The following SHC4 variants were observed in gnomAD, a reference collection of about 807,000 sequenced individuals.
The protein encoded by SHC4 is SHC adaptor protein 4.
Under a neutral mutation model 69.4 loss-of-function variants are expected in SHC4, and 41 were observed. The observed-to-expected ratio is 0.59, with a 90% confidence interval of 0.46 to 0.77. The LOEUF (loss-of-function observed/expected upper bound fraction) is 0.77, where lower values mean the gene tolerates loss of function less well. SHC4 is among the 30% of genes least tolerant of loss of function. SHC4 has a pLI of 0.00. For synonymous variants in SHC4, 318 were observed against 299.3 expected, an observed-to-expected ratio of 1.06 and a Z score of -0.64; for missense variants, 777 against 783.8, an observed-to-expected ratio of 0.99 and a Z score of 0.10.
chr15:48,955,760 A>G (rs1404427531), intron 1 of SHC4, among the ~76,000 whole-genome samples: 1 of 152,226 alleles, frequency 6.6e-6, no homozygotes, highest in Non-Finnish European at 1.5e-5. Flanking sequence ...CAGCATTTTA[A>G]TCATGTAGAG....
chr15:48,938,634 A>G (rs1901117907), intron 1 of SHC4, among the ~76,000 whole-genome samples: 2 of 152,174 alleles, frequency 1.3e-5, no homozygotes, highest in Admixed American at 1.3e-4. Context: ...TTCTCTTGCA[A>G]TTGGGGAGGC....
rs754901951 is a variant in SHC4 at position 48,856,100 on chromosome 15, A to T, written c.1095T>A (p.His365Gln). ...ATTCATGATCTTCTCTCTCCTCGGCATGGCTATCAATATGCACCTCCTCAC... is the reference window on the plus strand; with the variant it reads ...ATTCATGATCTTCTCTCTCCTCGGCTTGGCTATCAATATGCACCTCCTCAC... ...CESEEVHIDS[H>Q]AEEREDHEYY... Residue 365 changes from histidine (H) to glutamine (Q), a missense_variant, in exon 8 of 12, where the codon CAT (histidine) becomes CAA (glutamine). His to Gln is a conservative substitution (Grantham distance 24, BLOSUM62 0). Coordinates refer to ENST00000332408, the MANE Select transcript of SHC4 (RefSeq NM_203349.4). 3 of 1,613,480 alleles carry T rather than the reference A, an allele frequency of 1.9e-6. No homozygotes were observed. In the South Asian group the frequency reaches 3.3e-5, roughly 18 times the overall value.
In SHC4 at chr15:48,825,702, A is replaced by G. The variant is rs997793569; in HGVS notation, c.*269T>C. 6.4e-6 allele frequency: 2 copies of G among 313,948 alleles called. No individual in the cohort carries two copies. Among genetic ancestry groups the G allele is most frequent in the South Asian group, 1.5e-4 (2 of 13,630 alleles). The allele number at this position is 313,948 out of a possible 1,614,324, so 19.4% of individuals were successfully genotyped here. A position where few individuals can be genotyped will look rare whatever the true frequency, so the allele number is the denominator to read the frequency against. On this transcript the variant is annotated 3_prime_UTR_variant, in exon 12 of 12. Transcript: ENST00000332408. ...TAGTTGTGCTTTTAGCTTGTTATCA[A>G]TGCAATATGGCCTTAAAAAGTGACA...
intron 1 of SHC4, among the ~76,000 whole-genome samples, chr15:48,955,403 C>T (rs547072782): frequency 1.3e-5 from 2 of 152,226 alleles, no homozygotes; most frequent in East Asian, 3.9e-4. Context: ...TATTGGGGTC[C>T]AGGCTTGGTT....
chr15:48,910,802 A>G (rs980262870), intron 2 of SHC4, among the ~76,000 whole-genome samples: 1 of 152,152 alleles, frequency 6.6e-6, no homozygotes, highest in African/African-American at 2.4e-5. Flanking sequence ...TTAAATTTCC[A>G]TCTTGATTTC....
intron 1 of SHC4, among the ~76,000 whole-genome samples, chr15:48,954,815 A>C (rs1423447625): frequency 6.6e-6 from 1 of 152,152 alleles, no homozygotes; most frequent in Non-Finnish European, 1.5e-5. Context: ...TCTTCCCTCC[A>C]CTTGGGACCT....
At chr15:48,920,310 T>C (rs974747897) in intron 2 of SHC4, among the ~76,000 whole-genome samples, 3 of 150,604 alleles carry the variant, frequency 2.0e-5, no homozygotes, top group Non-Finnish European at 3.0e-5. Flanking sequence ...CGTGAGCCAC[T>C]GCGCCTGGCA....
intron 1 of SHC4, chr15:48,946,240 T>C (rs1901274194): frequency 6.6e-6 from 1 of 152,230 alleles, no homozygotes; most frequent in South Asian, 2.1e-4. Flanking sequence ...GCTCTTTCAC[T>C]TGCTTAGAGT....
chr15:48,893,506 C>T (rs1487323666), intron 2 of SHC4, among the ~76,000 whole-genome samples: 1 of 152,178 alleles, frequency 6.6e-6, no homozygotes, highest in East Asian at 1.9e-4. Context: ...TTTATAGAAA[C>T]TGAAGGCTGG....
At chr15:48,910,813 G>A (rs576365786) in intron 2 of SHC4, among the ~76,000 whole-genome samples, 22 of 152,104 alleles carry the variant, frequency 1.4e-4, no homozygotes, top group Admixed American at 3.3e-4. Context: ...TCTTGATTTC[G>A]TTTTTGACCC....
At chr15:48,841,378 A>G (rs1418710974) in intron 10 of SHC4, among the ~76,000 whole-genome samples, 1 of 152,220 alleles carries the variant, frequency 6.6e-6, no homozygotes, top group East Asian at 1.9e-4. Flanking sequence ...TTTGTTTCAC[A>G]TCTCATCACC....
chr15:48,961,979 C>A (rs958991296), intron 1 of SHC4, among the ~76,000 whole-genome samples: 14 of 152,238 alleles, frequency 9.2e-5, no homozygotes, highest in African/African-American at 3.1e-4. Context: ...ATAATTCAAG[C>A]CCCTTACACA....
At chr15:48,852,269 T>C (rs1899228142) in intron 8 of SHC4, among the ~76,000 whole-genome samples, 1 of 152,106 alleles carries the variant, frequency 6.6e-6, no homozygotes, top group Non-Finnish European at 1.5e-5. Flanking sequence ...AATGTGGTGG[T>C]AGGGCAGGGC....
At chr15:48,901,383 T>A (rs539295585) in intron 2 of SHC4, among the ~76,000 whole-genome samples, 124 of 152,338 alleles carry the variant, frequency 8.1e-4, no homozygotes, top group South Asian at 7.0e-3. Flanking sequence ...GGTTTCTTGG[T>A]ACAGGAAGTT....
At chr15:48,856,167 C>T in intron 7 of SHC4, 43 bp from the exon 8 acceptor site, 1 of 1,574,122 alleles carries the variant, frequency 6.4e-7, no homozygotes, top group South Asian at 1.2e-5. Flanking sequence ...GGCGAAAATT[C>T]AAATACTGTA....
At chr15:48,876,577 T>C in intron 4 of SHC4, 1 of 697,358 alleles carries the variant, frequency 1.4e-6, no homozygotes, top group East Asian at 2.7e-5. Flanking sequence ...ATAGGCTGTC[T>C]GCAGGCTAAG....
chr15:48,927,326 G>C (rs1220284134), intron 1 of SHC4, among the ~76,000 whole-genome samples: 1 of 152,108 alleles, frequency 6.6e-6, no homozygotes, highest in Non-Finnish European at 1.5e-5. Flanking sequence ...ACACAGGCTG[G>C]AGAGCAGGCC....
chr15:48,905,477 T>G (rs1002933806), intron 2 of SHC4, among the ~76,000 whole-genome samples: 2 of 152,206 alleles, frequency 1.3e-5, no homozygotes, highest in African/African-American at 4.8e-5. Flanking sequence ...AGGCCTATTC[T>G]TACTTGCATT....
chr15:48,865,409 T>G (rs9672326), intron 6 of SHC4, among the ~76,000 whole-genome samples: 8,860 of 152,242 alleles, frequency 0.058, 444 homozygotes, highest in East Asian at 0.22. Context: ...ATATTAACTT[T>G]TAAAGCCAAG....
Sources: allele counts gnomAD v4.1 joint callset (sites outside exome capture counted in the v4.1 genomes callset), GRCh38; gene constraint gnomAD v4.1.1; transcripts MANE v1.5; gene names NCBI Gene and HGNC (gene_info 2026-07-23, HGNC 2026-07-21).